Variants in DDX10 observed in about 807,000 individuals in gnomAD.
DDX10 encodes DEAD-box helicase 10.
DDX10 carries 74 observed loss-of-function variants against 104.3 expected under a neutral mutation model. The observed-to-expected ratio is 0.71, with a 90% CI of 0.59 to 0.86. The LOEUF (loss-of-function observed/expected upper bound fraction) is 0.86. Among genes scored for constraint, DDX10 ranks in the 40% least tolerant of loss-of-function variants. The pLI, the probability that DDX10 is intolerant of heterozygous loss-of-function variation, is 0.00. For missense variants in DDX10, 952 were observed against 1,040.0 expected, an observed-to-expected ratio of 0.92 and a Z score of 1.16; for synonymous variants, 351 against 353.4, an observed-to-expected ratio of 0.99 and a Z score of 0.08.
rs1591134209 is a variant in DDX10 at position 108,940,161 on chromosome 11, A to G, written c.2451-85A>G. On this transcript the variant is annotated intron_variant, in intron 17 of 17. Coordinates refer to ENST00000322536, the MANE Select transcript of DDX10 (RefSeq NM_004398.4). ...CTTCATTCTTGAATAATATCACTTT[A>G]CCAACTCTCTGTTAATTTTGTCCTA... is the stretch of plus-strand genomic sequence containing the variant. 4 of 1,374,240 alleles carry G rather than the reference A, an allele frequency of 2.9e-6. No individual in the cohort carries two copies. In the East Asian group the frequency reaches 7.3e-5, roughly 25 times the overall value. The allele number at this position is 1,374,240 out of a possible 1,614,324, so 85.1% of individuals were successfully genotyped here.
At position 108,904,947 on chromosome 11, in the gene DDX10, C is replaced by A. The variant is rs576308648; in HGVS notation, c.2305-12926C>A. ...GTCACCAGGCAGCTGAAACCTAAAA[C>A]ATGTTCAAGGCTTTCAGGGATGAAT... On this transcript the variant is annotated intron_variant, in intron 16 of 17. Coordinates refer to ENST00000322536, the MANE Select transcript of DDX10 (RefSeq NM_004398.4). 3.0e-3 allele frequency among the ~76,000 whole-genome samples: 453 copies of A among 152,264 alleles called. 4 individuals carry two copies. Among genetic ancestry groups the A allele is most frequent in the African/African-American group, 0.01 (422 of 41,550 alleles).
Position 108,815,624 on chromosome 11 carries a change from A to G in DDX10, c.1966-22822A>G, listed in dbSNP as rs528416467. On this transcript the variant is annotated intron_variant, in intron 13 of 17. Coordinates refer to ENST00000322536, the MANE Select transcript of DDX10 (RefSeq NM_004398.4). The stretch of plus-strand genomic sequence containing the variant: ...ATGCTATCATGTGTCCCATTTGTAT[A>G]AATGGATATATAACATTCTATTCAG... Among the ~76,000 whole-genome samples the G allele has an allele frequency of 7.9e-5, 12 of 152,356 alleles. No individual in the cohort carries two copies. The South Asian group carries it at 2.5e-3, about 32-fold the overall frequency.
At chr11:108,930,048 C>T (rs181274421) in intron 17 of DDX10, among the ~76,000 whole-genome samples, 2 of 152,244 alleles carry the variant, frequency 1.3e-5, no homozygotes, top group Admixed American at 6.5e-5. Context: ...AGTTCACTTT[C>T]GGCATTGTAT....
At chr11:108,691,847 G>A in intron 7 of DDX10, 29 bp from the exon 8 acceptor site, 1 of 1,598,890 alleles carries the variant, frequency 6.3e-7, no homozygotes, top group Non-Finnish European at 8.5e-7. Context: ...TCTGCCATAA[G>A]CAAACTTATT....
At chr11:108,674,114 G>A (rs1211277341) in intron 2 of DDX10, among the ~76,000 whole-genome samples, 1 of 152,052 alleles carries the variant, frequency 6.6e-6, no homozygotes, top group African/African-American at 2.4e-5. Flanking sequence ...ACAGGGTCAG[G>A]AGTTTGAGAC....
At chr11:108,721,581 A>T (rs1265577648) in intron 12 of DDX10, among the ~76,000 whole-genome samples, 1 of 152,204 alleles carries the variant, frequency 6.6e-6, no homozygotes, top group Non-Finnish European at 1.5e-5. Flanking sequence ...TGTGATGCTT[A>T]GAGAAGGCAG....
intron 16 of DDX10, among the ~76,000 whole-genome samples, chr11:108,911,559 T>C (rs945262460): frequency 2.4e-3 from 4 of 1,694 alleles, no homozygotes; most frequent in African/African-American, 8.7e-3. Flanking sequence ...TCCTCTTCTT[T>C]TTTTTTTTTT....
chr11:108,836,573 G>T (rs977666764), intron 13 of DDX10, among the ~76,000 whole-genome samples: 5 of 152,056 alleles, frequency 3.3e-5, no homozygotes, highest in Non-Finnish European at 7.4e-5. Flanking sequence ...TGCAACCTCC[G>T]CCTGTCAGGT....
chr11:108,749,192 G>T (rs1017337959), intron 13 of DDX10, among the ~76,000 whole-genome samples: 3 of 152,036 alleles, frequency 2.0e-5, no homozygotes, highest in Non-Finnish European at 4.4e-5. Flanking sequence ...GAATCATCGT[G>T]CCTGGCCGTA....
In DDX10 at chr11:108,903,542, A is replaced by G. The variant is rs185048333; in HGVS notation, c.2305-14331A>G. On this transcript the variant is annotated intron_variant, in intron 16 of 17. Coordinates refer to ENST00000322536, the MANE Select transcript of DDX10 (RefSeq NM_004398.4). ...TTTTCTTGTCATTATTTCCTAAACAATACAGTGTAAGAACTGTTTACATAG... is the reference window on the plus strand; with the variant it reads ...TTTTCTTGTCATTATTTCCTAAACAGTACAGTGTAAGAACTGTTTACATAG... Among the ~76,000 whole-genome samples, 8 of 152,288 alleles carry G rather than the reference A, an allele frequency of 5.3e-5. No individual in the cohort carries two copies. In the East Asian group the frequency reaches 1.5e-3, roughly 29 times the overall value.
At chr11:108,707,306 C>A (rs1354110131) in intron 10 of DDX10, among the ~76,000 whole-genome samples, 1 of 152,156 alleles carries the variant, frequency 6.6e-6, no homozygotes, top group Non-Finnish European at 1.5e-5. Flanking sequence ...AACTACTGAT[C>A]TTTTTACTGT....
intron 16 of DDX10, among the ~76,000 whole-genome samples, chr11:108,882,561 C>A (rs533262115): frequency 5.5e-4 from 84 of 152,222 alleles, no homozygotes; most frequent in African/African-American, 2.0e-3. Context: ...TTCATGGTGA[C>A]ATCTATAATG....
At chr11:108,713,481 C>A (rs1054105460) in intron 10 of DDX10, among the ~76,000 whole-genome samples, 3 of 151,830 alleles carry the variant, frequency 2.0e-5, no homozygotes, top group Admixed American at 1.3e-4. Context: ...TGTTACAGTT[C>A]TTTTTGTTCT....
intron 17 of DDX10, among the ~76,000 whole-genome samples, chr11:108,924,213 A>T (rs1329159185): frequency 6.6e-6 from 1 of 152,230 alleles, no homozygotes; most frequent in Non-Finnish European, 1.5e-5. Flanking sequence ...AAAAGGAAAA[A>T]GAAAAGGTGA....
intron 2 of DDX10, among the ~76,000 whole-genome samples, chr11:108,675,155 T>C (rs953035555): frequency 6.6e-6 from 1 of 152,042 alleles, no homozygotes; most frequent in Non-Finnish European, 1.5e-5. Flanking sequence ...ATATTTTCTT[T>C]ACTCATTCAT....
chr11:108,801,470 GA>G (rs1862019538), intron 13 of DDX10, among the ~76,000 whole-genome samples: 2 of 152,168 alleles, frequency 1.3e-5, no homozygotes, highest in African/African-American at 2.4e-5. Context: ...CATGTGTAAA[GA>G]AAAGTCTGCA....
At chr11:108,692,143 T>G in intron 8 of DDX10, 105 bp downstream of exon 8, 1 of 1,072,838 alleles carries the variant, frequency 9.3e-7, no homozygotes, top group Non-Finnish European at 1.3e-6. Flanking sequence ...TGGGTTTCTT[T>G]TCTTATTTTG....
intron 13 of DDX10, among the ~76,000 whole-genome samples, chr11:108,784,934 T>G (rs1290233759): frequency 6.6e-6 from 1 of 152,220 alleles, no homozygotes; most frequent in Non-Finnish European, 1.5e-5. Flanking sequence ...CTGGTATCAT[T>G]TATTGAATAA....
chr11:108,789,441 C>G (rs962011052), intron 13 of DDX10, among the ~76,000 whole-genome samples: 1 of 152,180 alleles, frequency 6.6e-6, no homozygotes, highest in Middle Eastern at 3.2e-3. Context: ...CTGCATCATT[C>G]AGTTTCAAAG....
Sources: allele counts gnomAD v4.1 joint callset (sites outside exome capture counted in the v4.1 genomes callset), GRCh38; gene constraint gnomAD v4.1.1; transcripts MANE v1.5; gene names NCBI Gene and HGNC (gene_info 2026-07-23, HGNC 2026-07-21).